The following PDE10A variants were observed in gnomAD, a reference collection of about 807,000 sequenced individuals.
The protein encoded by PDE10A is cAMP and cAMP-inhibited cGMP 3',5'-cyclic phosphodiesterase 10A.
A neutral mutation model predicts 97.7 loss-of-function variants in PDE10A; 39 were observed. The observed-to-expected ratio is 0.40, with a 90% CI of 0.31 to 0.52. The LOEUF (loss-of-function observed/expected upper bound fraction) is 0.52. PDE10A is among the 20% of genes least tolerant of loss of function. PDE10A has a pLI of 0.56. For missense variants in PDE10A, 731 were observed against 1,047.8 expected, an observed-to-expected ratio of 0.70 and a Z score of 4.17; for synonymous variants, 371 against 376.8, an observed-to-expected ratio of 0.98 and a Z score of 0.18.
At chr6:165,699,422 G>A (rs1238229040) in intron 1 of PDE10A, among the ~76,000 whole-genome samples, 1 of 152,130 alleles carries the variant, frequency 6.6e-6, no homozygotes, top group East Asian at 1.9e-4. Context: ...TTTTAATAAT[G>A]AGTAGAAAAA....
chr6:165,353,683 T>G (rs186714029), intron 18 of PDE10A, among the ~76,000 whole-genome samples: 1 of 152,086 alleles, frequency 6.6e-6, no homozygotes, highest in Non-Finnish European at 1.5e-5. Context: ...GAAAAGGCAA[T>G]GGTATGAGGA....
intron 18 of PDE10A, among the ~76,000 whole-genome samples, chr6:165,347,980 TA>T (rs1782429257): frequency 6.6e-6 from 1 of 152,330 alleles, no homozygotes; most frequent in African/African-American, 2.4e-5. Flanking sequence ...AAAGAATTGT[TA>T]AAGTGTTTAA....
In PDE10A at chr6:165,661,705, G is replaced by T. The variant is rs966341090; in HGVS notation, c.865+242C>A. On this transcript the variant is annotated intron_variant, in intron 1 of 21. Transcript: ENST00000539869. This position sits in a 1 kb window ranked among gnomAD's most constrained non-coding sequence, Gnocchi z 4.8. ...CAAGCTCCCGCCGCCCTCCCGAGCCGCCCTTCCCCCGAGCGCTCGCGGAGC... is the reference window on the plus strand; with the variant it reads ...CAAGCTCCCGCCGCCCTCCCGAGCCTCCCTTCCCCCGAGCGCTCGCGGAGC... The T allele has an allele frequency of 3.2e-5, 14 of 436,982 alleles. No individual in the cohort carries two copies. Among genetic ancestry groups the T allele is most frequent in the African/African-American group, 1.9e-4 (9 of 48,000 alleles). 27.1% of individuals were successfully genotyped at this position (436,982 alleles called of 1,614,324 possible). A position where few individuals can be genotyped will look rare whatever the true frequency, so the allele number is the denominator to read the frequency against.
Position 165,332,958 on chromosome 6 carries a change from G to GA in PDE10A, c.*66_*67insT. 1.4e-6 allele frequency: 1 copy of GA among 705,636 alleles called. No homozygotes were observed. Among genetic ancestry groups the GA allele is most frequent in the Non-Finnish European group, 2.5e-6 (1 of 406,882 alleles). The allele number at this position is 705,636 out of a possible 1,614,324, so 43.7% of individuals were successfully genotyped here. On this transcript the variant is annotated 3_prime_UTR_variant, in exon 22 of 22. Transcript: ENST00000539869. ...GTTCCCCCCACCCCCCCCAAAAAAA[G>GA]GAAAAGAATGTCAAAGAAGCAAGAT...
chr6:165,796,143 C>T (rs1314366086), intron 1 of PDE10A, among the ~76,000 whole-genome samples: 8 of 143,318 alleles, frequency 5.6e-5, no homozygotes, highest in African/African-American at 7.8e-5. Flanking sequence ...TCACCCAGGC[C>T]GGAGTGCAGT....
chr6:165,613,264 C>T (rs1787579287), intron 1 of PDE10A, among the ~76,000 whole-genome samples: 1 of 151,990 alleles, frequency 6.6e-6, no homozygotes, highest in African/African-American at 2.4e-5. Flanking sequence ...ATCCAGTATT[C>T]AATTGACCAA....
At chr6:165,764,458 G>C (rs929336942) in intron 1 of PDE10A, among the ~76,000 whole-genome samples, 8 of 152,028 alleles carry the variant, frequency 5.3e-5, no homozygotes, top group Admixed American at 6.6e-5. Context: ...TGGGTTCTTG[G>C]TCTCACTGAC....
Position 165,575,212 on chromosome 6 carries a change from T to C in PDE10A, c.866-31644A>G, listed in dbSNP as rs369564681. 2.4e-4 allele frequency among the ~76,000 whole-genome samples: 37 copies of C among 152,282 alleles called. 1 individual carries two copies. Among genetic ancestry groups the C allele is most frequent in the East Asian group, 2.3e-3 (12 of 5,182 alleles). Reference sequence around the variant, plus strand: ...CCCACCCCACACTAGGTAAACCCAATCATTCGAGTTTTGTGACCTGCATTT... The same window carrying C: ...CCCACCCCACACTAGGTAAACCCAACCATTCGAGTTTTGTGACCTGCATTT... On this transcript the variant is annotated intron_variant, in intron 1 of 21. Coordinates refer to ENST00000539869, the MANE Select transcript of PDE10A (RefSeq NM_001385079.1).
chr6:165,878,043 G>T (rs1339524590), intron 1 of PDE10A, among the ~76,000 whole-genome samples: 1 of 152,064 alleles, frequency 6.6e-6, no homozygotes, highest in Non-Finnish European at 1.5e-5. Flanking sequence ...GATGATCAAG[G>T]GGCCAAATAA....
At chr6:165,619,199 GTAATGTAGTGCAGTGTAGAC>G (rs1787904091) in intron 1 of PDE10A, among the ~76,000 whole-genome samples, 1 of 103,582 alleles carries the variant, frequency 9.7e-6, no homozygotes, top group African/African-American at 6.6e-5. Context: ...CTAGTGTAGT[GTAATGTAGTGCAGTGTAGAC>G]TAGTGTAGTG....
At chr6:165,905,795 C>T (rs913091671) in intron 1 of PDE10A, among the ~76,000 whole-genome samples, 1 of 151,992 alleles carries the variant, frequency 6.6e-6, no homozygotes, top group Non-Finnish European at 1.5e-5. Flanking sequence ...CTGCATGCAA[C>T]AGTGACAGCA....
intron 7 of PDE10A, among the ~76,000 whole-genome samples, chr6:165,432,579 G>C (rs1229561239): frequency 1.3e-5 from 2 of 152,168 alleles, no homozygotes; most frequent in African/African-American, 2.4e-5. Context: ...AGTGAATAGT[G>C]AATGGAATTC....
chr6:165,555,308 C>T (rs1195097834), intron 1 of PDE10A, among the ~76,000 whole-genome samples: 4 of 152,040 alleles, frequency 2.6e-5, no homozygotes, highest in Non-Finnish European at 5.9e-5. Context: ...TATGTACCCA[C>T]AACATTTTTA....
At chr6:165,917,731 C>A (rs1264841382) in intron 1 of PDE10A, among the ~76,000 whole-genome samples, 1 of 152,224 alleles carries the variant, frequency 6.6e-6, no homozygotes, top group Non-Finnish European at 1.5e-5. Context: ...CGGGGAGCAC[C>A]CCAGGCCAGG....
At chr6:165,533,526 T>C (rs199591501) in intron 2 of PDE10A, among the ~76,000 whole-genome samples, 2 of 152,182 alleles carry the variant, frequency 1.3e-5, no homozygotes, top group East Asian at 1.9e-4. Context: ...CCTTCCTTCG[T>C]AGAGGTGGAC....
intron 1 of PDE10A, among the ~76,000 whole-genome samples, chr6:165,830,252 G>T (rs189175247): frequency 3.9e-5 from 6 of 152,138 alleles, no homozygotes; most frequent in South Asian, 4.2e-4. Context: ...TCACAAAGGC[G>T]CCTCTGTCCC....
intron 2 of PDE10A, among the ~76,000 whole-genome samples, chr6:165,513,828 T>C (rs1395175988): frequency 2.6e-5 from 4 of 152,178 alleles, no homozygotes; most frequent in African/African-American, 9.6e-5. Flanking sequence ...GAAATACTAC[T>C]TATTTTTGTA....
intron 1 of PDE10A, among the ~76,000 whole-genome samples, chr6:165,852,555 G>A (rs1780600368): frequency 6.6e-6 from 1 of 152,196 alleles, no homozygotes; most frequent in Admixed American, 6.5e-5. Flanking sequence ...CATGATCTGT[G>A]TCATGAGAAC....
chr6:165,950,205 T>A (rs1783910057), intron 1 of PDE10A, among the ~76,000 whole-genome samples: 1 of 152,204 alleles, frequency 6.6e-6, no homozygotes, highest in African/African-American at 2.4e-5. Context: ...TCCTGTGACC[T>A]GAATAGGAGA....
Sources: gnomAD v4.1 joint callset for allele counts (sites outside exome capture counted in the v4.1 genomes callset) on GRCh38, gnomAD v4.1.1 for gene constraint, Gnocchi (gnomAD v3.1) non-coding constraint, MANE v1.5 for transcripts, NCBI Gene and HGNC (gene_info 2026-07-23, HGNC 2026-07-21) for gene names.